The following PCDH9 variants were observed in gnomAD, a reference collection of about 807,000 sequenced individuals.
PCDH9 encodes the protein protocadherin 9.
Under a neutral mutation model 70.6 loss-of-function variants are expected in PCDH9, and 24 were observed. The observed-to-expected ratio is 0.34, with a 90% confidence interval of 0.25 to 0.48. The LOEUF (loss-of-function observed/expected upper bound fraction) is 0.48. Ranked by LOEUF, PCDH9 falls within the 20% of genes least tolerant of loss-of-function variation. The pLI is 0.99. For synonymous variants in PCDH9, 562 were observed against 558.5 expected (o/e 1.01, Z -0.09); for missense variants, 1,281 against 1,503.6 (o/e 0.85, Z 2.45).
At chr13:66,700,943 T>C (rs1257908468) in intron 3 of PCDH9, among the ~76,000 whole-genome samples, 8 of 131,006 alleles carry the variant, frequency 6.1e-5, no homozygotes, top group Non-Finnish European at 1.3e-4. Flanking sequence ...TATATATATA[T>C]ATATATATAT....
chr13:67,128,445 C>A (rs1338262094), intron 2 of PCDH9, among the ~76,000 whole-genome samples: 2 of 152,190 alleles, frequency 1.3e-5, no homozygotes, highest in African/African-American at 4.8e-5. Flanking sequence ...TGACTGACAT[C>A]TCAAATAAAT....
chr13:66,317,482 C>CT (rs1393304353), intron 4 of PCDH9, among the ~76,000 whole-genome samples: 2 of 152,110 alleles, frequency 1.3e-5, no homozygotes, highest in Non-Finnish European at 2.9e-5. Flanking sequence ...ACTGGGAATT[C>CT]CCCAAAGTAA....
At chr13:66,731,204 G>A (rs1342431508) in intron 3 of PCDH9, among the ~76,000 whole-genome samples, 1 of 151,896 alleles carries the variant, frequency 6.6e-6, no homozygotes, top group Non-Finnish European at 1.5e-5. Context: ...TCGATTAGAG[G>A]TTTAGTTTAT....
chr13:66,657,299 C>T (rs2077945407), intron 3 of PCDH9, among the ~76,000 whole-genome samples: 1 of 152,198 alleles, frequency 6.6e-6, no homozygotes, highest in African/African-American at 2.4e-5. Flanking sequence ...GTCACCACAG[C>T]ATCTGTTGTT....
At chr13:66,639,197 G>A (rs1249006353) in intron 3 of PCDH9, among the ~76,000 whole-genome samples, 1 of 152,130 alleles carries the variant, frequency 6.6e-6, no homozygotes. Context: ...GCTGTTTGCC[G>A]CTAAGCAACT....
At chr13:66,348,222 A>G (rs1431366852) in intron 4 of PCDH9, among the ~76,000 whole-genome samples, 1 of 151,924 alleles carries the variant, frequency 6.6e-6, no homozygotes, top group East Asian at 1.9e-4. Context: ...TTACCAGCTT[A>G]CCTGCATCTG....
At chr13:66,479,423 C>A (rs1167960876) in intron 4 of PCDH9, among the ~76,000 whole-genome samples, 1 of 152,160 alleles carries the variant, frequency 6.6e-6, no homozygotes, top group Non-Finnish European at 1.5e-5. Context: ...CACAGTGATT[C>A]CTCTGATGGA....
At chr13:66,683,963 T>C (rs1215611525) in intron 3 of PCDH9, among the ~76,000 whole-genome samples, 2 of 152,212 alleles carry the variant, frequency 1.3e-5, no homozygotes, top group East Asian at 3.9e-4. Context: ...TATAGTACTA[T>C]TTAACTTTTC....
chr13:66,719,503 T>C (rs1161765513), intron 3 of PCDH9, among the ~76,000 whole-genome samples: 1 of 152,052 alleles, frequency 6.6e-6, no homozygotes, highest in Non-Finnish European at 1.5e-5. Flanking sequence ...GAGCAGAGGG[T>C]GAGCTCTCAT....
intron 4 of PCDH9, among the ~76,000 whole-genome samples, chr13:66,441,377 T>C (rs1484243863): frequency 6.6e-6 from 1 of 152,184 alleles, no homozygotes; most frequent in African/African-American, 2.4e-5. Flanking sequence ...TTTTAATTTG[T>C]AATTTTTCTA....
chr13:66,904,469 A>G (rs549006867), intron 2 of PCDH9, among the ~76,000 whole-genome samples: 5 of 152,122 alleles, frequency 3.3e-5, no homozygotes, highest in African/African-American at 1.2e-4. Flanking sequence ...ATAACTTTGT[A>G]GGTTTTAAGG....
At chr13:67,027,822 T>C (rs1174563105) in intron 2 of PCDH9, among the ~76,000 whole-genome samples, 1 of 96,108 alleles carries the variant, frequency 1.0e-5, no homozygotes, top group African/African-American at 3.4e-5. Flanking sequence ...GAAAAAATGC[T>C]CACCATCACT....
intron 2 of PCDH9, among the ~76,000 whole-genome samples, chr13:67,173,312 C>T (rs1319845071): frequency 6.6e-6 from 1 of 152,078 alleles, no homozygotes; most frequent in African/African-American, 2.4e-5. Flanking sequence ...AAATCTACCA[C>T]CTAAGAGGTA....
At chr13:67,069,567 G>A (rs2085718149) in intron 2 of PCDH9, among the ~76,000 whole-genome samples, 1 of 152,146 alleles carries the variant, frequency 6.6e-6, no homozygotes, top group Admixed American at 6.6e-5. Flanking sequence ...TTACAAGCCT[G>A]CTTAATTCCC....
chr13:67,182,928 C>A (rs112766694), intron 2 of PCDH9, among the ~76,000 whole-genome samples: 2,051 of 152,160 alleles, frequency 0.013, 33 homozygotes, highest in African/African-American at 0.046. Flanking sequence ...AAATTACTAT[C>A]TTTTCAATCT....
At chr13:66,498,604 C>A (rs186614816) in intron 4 of PCDH9, among the ~76,000 whole-genome samples, 1 of 152,194 alleles carries the variant, frequency 6.6e-6, no homozygotes, top group Non-Finnish European at 1.5e-5. Flanking sequence ...TATTATAATG[C>A]CATATATAAT....
At chr13:66,469,173 C>T (rs1358100406) in intron 4 of PCDH9, among the ~76,000 whole-genome samples, 2 of 152,052 alleles carry the variant, frequency 1.3e-5, no homozygotes, top group Admixed American at 6.6e-5. Flanking sequence ...AATTTTTCAT[C>T]GTATTCCTTC....
chr13:66,922,561 C>G (rs2082653823), intron 2 of PCDH9, among the ~76,000 whole-genome samples: 1 of 151,338 alleles, frequency 6.6e-6, no homozygotes, highest in African/African-American at 2.4e-5. Flanking sequence ...AAGTAACTTC[C>G]TTATGTTCAT....
At chr13:66,401,162 G>C (rs917222434) in intron 4 of PCDH9, among the ~76,000 whole-genome samples, 2 of 151,984 alleles carry the variant, frequency 1.3e-5, no homozygotes, top group African/African-American at 4.8e-5. Flanking sequence ...TGCATAGGTG[G>C]GTGATATGGT....
Sources: gnomAD v4.1 joint callset for allele counts (sites outside exome capture counted in the v4.1 genomes callset) on GRCh38, gnomAD v4.1.1 for gene constraint, MANE v1.5 for transcripts, NCBI Gene and HGNC (gene_info 2026-07-23, HGNC 2026-07-21) for gene names.